The following AGTPBP1 variants were observed in gnomAD, a reference collection of about 807,000 sequenced individuals.
AGTPBP1 encodes ATP/GTP binding carboxypeptidase 1.
Under a neutral mutation model 143.9 loss-of-function variants are expected in AGTPBP1, and 70 were observed. That is an observed-to-expected ratio of 0.49 (90% CI 0.40 to 0.59). AGTPBP1 has a LOEUF of 0.59. Ranked by LOEUF, AGTPBP1 falls within the 20% of genes least tolerant of loss-of-function variation. The probability of loss-of-function intolerance (pLI) is 0.00; values close to 1 mark genes in which losing one functional copy is unlikely to be tolerated. For missense variants in AGTPBP1, 1,229 were observed against 1,464.5 expected (o/e 0.84, Z 2.62); for synonymous variants, 463 against 500.2 (o/e 0.93, Z 0.99).
chr9:85,801,453 T>C, the AGTPBP1 span, among the ~76,000 whole-genome samples: 2 of 152,086 alleles, frequency 1.3e-5, no homozygotes, highest in South Asian at 4.2e-4. Flanking sequence ...ATAACCAAGG[T>C]TTTTAATGTA....
chr9:85,752,848 C>A, the AGTPBP1 span, among the ~76,000 whole-genome samples: 1 of 152,006 alleles, frequency 6.6e-6, no homozygotes, highest in Admixed American at 6.6e-5. Flanking sequence ...CCCATCTCTA[C>A]AAAAAATTTT....
chr9:85,640,196 C>T (rs1371647050), intron 13 of AGTPBP1, among the ~76,000 whole-genome samples: 1 of 152,138 alleles, frequency 6.6e-6, no homozygotes, highest in Admixed American at 6.6e-5. Context: ...TCTTTTTAAT[C>T]CTTGAAAGCA....
At chr9:85,592,272 T>TA (rs1265883128) in intron 19 of AGTPBP1, among the ~76,000 whole-genome samples, 1 of 150,756 alleles carries the variant, frequency 6.6e-6, no homozygotes, top group South Asian at 2.1e-4. Context: ...ATATTTCTAT[T>TA]AAAAAAAAAT....
chr9:85,772,398 A>G, the AGTPBP1 span, among the ~76,000 whole-genome samples: 3 of 152,122 alleles, frequency 2.0e-5, no homozygotes, highest in Non-Finnish European at 4.4e-5. Flanking sequence ...TCTGTGATAT[A>G]GACATTGTCT....
the AGTPBP1 span, among the ~76,000 whole-genome samples, chr9:85,804,604 G>T: frequency 6.6e-6 from 1 of 152,216 alleles, no homozygotes; most frequent in Non-Finnish European, 1.5e-5. Context: ...AGTTGAATCA[G>T]GGGGATTTAT....
rs759627727 is a variant in AGTPBP1, at chr9:85,669,584, A to G, written c.569-6T>C. The G allele has an allele frequency of 6.3e-7, 1 of 1,597,550 alleles. No individual in the cohort carries two copies. The highest frequency in any genetic ancestry group is 8.6e-7 in the Non-Finnish European group (1 of 1,166,436). On this transcript the variant is annotated splice_polypyrimidine_tract_variant and splice_region_variant and intron_variant, in intron 7 of 25. Coordinates refer to ENST00000357081, the MANE Select transcript of AGTPBP1 (RefSeq NM_001330701.2). ...TAAGGATACTGAATTCACAGCTGAG[A>G]GGGGGAGAAAGAGATGCAAAATTAT... is the stretch of plus-strand genomic sequence containing the variant.
intron 3 of AGTPBP1, among the ~76,000 whole-genome samples, chr9:85,690,890 G>A (rs886689649): frequency 8.5e-5 from 13 of 152,164 alleles, no homozygotes; most frequent in East Asian, 5.8e-4. Context: ...CCCTGATAGC[G>A]GTATGGTTAG....
chr9:85,591,303 A>C (rs1828949427), intron 19 of AGTPBP1, among the ~76,000 whole-genome samples: 2 of 152,062 alleles, frequency 1.3e-5, no homozygotes, highest in South Asian at 4.1e-4. Flanking sequence ...TTTTATGATA[A>C]GATTAGCTAT....
At chr9:85,756,264 T>C in the AGTPBP1 span, 26 of 1,571,834 alleles carry the variant, frequency 1.7e-5, no homozygotes, top group African/African-American at 2.8e-5. Context: ...TTCTGTTTAA[T>C]ACACTACTTG....
chr9:85,582,603 CA>C (rs1228599230), intron 23 of AGTPBP1, among the ~76,000 whole-genome samples: 2 of 151,904 alleles, frequency 1.3e-5, no homozygotes, highest in African/African-American at 2.4e-5. Flanking sequence ...TCATTTGAAC[CA>C]GGGAGACGGA....
chr9:85,718,775 T>G (rs1359973966), intron 1 of AGTPBP1, among the ~76,000 whole-genome samples: 2 of 152,134 alleles, frequency 1.3e-5, no homozygotes, highest in Non-Finnish European at 2.9e-5. Flanking sequence ...ATTGACTAGG[T>G]TTTCTTCTAG....
chr9:85,579,433 G>A (rs2133095048), intron 23 of AGTPBP1, among the ~76,000 whole-genome samples: 2 of 152,150 alleles, frequency 1.3e-5, no homozygotes, highest in Admixed American at 1.3e-4. Context: ...GACTAATTGA[G>A]ATATTTAACA....
the AGTPBP1 span, among the ~76,000 whole-genome samples, chr9:85,763,767 T>C: frequency 6.6e-6 from 1 of 152,050 alleles, no homozygotes; most frequent in African/African-American, 2.4e-5. Context: ...CTGAAAAGGT[T>C]GAAGGTGGCC....
upstream of AGTPBP1, among the ~76,000 whole-genome samples, chr9:85,742,845 A>T (rs1824458960): frequency 6.6e-6 from 1 of 152,216 alleles, no homozygotes; most frequent in Non-Finnish European, 1.5e-5. Flanking sequence ...GCTACTGTTT[A>T]TGGTAAGGAA....
the AGTPBP1 span, among the ~76,000 whole-genome samples, chr9:85,756,405 C>A: frequency 7.1e-6 from 1 of 140,090 alleles, no homozygotes; most frequent in Non-Finnish European, 1.5e-5. Flanking sequence ...GAAAATGGTG[C>A]AATCGCTTTG....
chr9:85,651,072 G>T (rs1248861865), intron 11 of AGTPBP1, among the ~76,000 whole-genome samples: 4 of 152,112 alleles, frequency 2.6e-5, no homozygotes, highest in Admixed American at 2.0e-4. Flanking sequence ...CCCAATCTGG[G>T]AGTCTCTTTC....
intron 1 of AGTPBP1, among the ~76,000 whole-genome samples, chr9:85,715,433 A>C (rs879380319): frequency 2.0e-5 from 3 of 152,158 alleles, no homozygotes; most frequent in Admixed American, 2.0e-4. Context: ...AGGACGACAG[A>C]GGAAGACTAC....
the AGTPBP1 span, chr9:85,786,010 A>G: frequency 1.0e-6 from 1 of 953,078 alleles, no homozygotes; most frequent in Admixed American, 2.5e-5. Context: ...ATATTGGGTG[A>G]TAATAATGTA....
At chr9:85,615,722 CTG>C (rs1830569221) in intron 17 of AGTPBP1, among the ~76,000 whole-genome samples, 1 of 151,884 alleles carries the variant, frequency 6.6e-6, no homozygotes, top group Admixed American at 6.6e-5. Flanking sequence ...TTCCTTTAAA[CTG>C]TTTTTAATTT....
Sources: gnomAD v4.1 joint callset for allele counts (sites outside exome capture counted in the v4.1 genomes callset) on GRCh38, gnomAD v4.1.1 for gene constraint, MANE v1.5 for transcripts, NCBI Gene and HGNC (gene_info 2026-07-23, HGNC 2026-07-21) for gene names.